Variants in FOXK1 observed in about 807,000 individuals in gnomAD.
The protein encoded by FOXK1 is forkhead box protein K1.
In FOXK1, 19 loss-of-function variants were observed where a neutral mutation model predicts 51.9. That is an observed-to-expected ratio of 0.37 (90% CI 0.26 to 0.54). The LOEUF (loss-of-function observed/expected upper bound fraction) is 0.54. Ranked by LOEUF, FOXK1 falls within the 20% of genes least tolerant of loss-of-function variation. The probability of loss-of-function intolerance (pLI) is 0.87; values close to 1 mark genes in which losing one functional copy is unlikely to be tolerated. For missense variants in FOXK1, 870 were observed against 1,032.7 expected (o/e 0.84, Z 2.16); for synonymous variants, 537 against 482.6 (o/e 1.11, Z -1.48).
chr7:4,705,312 C>G (rs887794499), intron 1 of FOXK1, among the ~76,000 whole-genome samples: 2 of 152,100 alleles, frequency 1.3e-5, no homozygotes, highest in African/African-American at 2.4e-5. Context: ...CTCAGCCTCC[C>G]CAGTAGCTGG....
Position 4,703,276 on chromosome 7 carries a change from C to T in FOXK1, c.560+20408C>T, listed in dbSNP as rs892813585. ...CAGACCTCCAGCCATTGGGCCTCTC[C>T]GCTCTGGGGTGAGGGGAGGGAGGGG... On this transcript the variant is annotated intron_variant, in intron 1 of 8. Coordinates refer to ENST00000328914, the MANE Select transcript of FOXK1 (RefSeq NM_001037165.2). The surrounding 1 kb of genome is among the most constrained non-coding windows in gnomAD (Gnocchi z 5.6). Among the ~76,000 whole-genome samples, 18 of 152,072 alleles carry T rather than the reference C, an allele frequency of 1.2e-4. No homozygotes were observed. Among genetic ancestry groups the T allele is most frequent in the African/African-American group, 3.4e-4 (14 of 41,402 alleles).
chr7:4,712,237 C>T (rs1780184493), intron 1 of FOXK1, among the ~76,000 whole-genome samples: 1 of 152,050 alleles, frequency 6.6e-6, no homozygotes, highest in Non-Finnish European at 1.5e-5. Flanking sequence ...GAGCATCTCC[C>T]GCCTCGGTGC....
In FOXK1 at chr7:4,755,791, C is replaced by T. The variant is rs76651517; in HGVS notation, c.1050+408C>T. On this transcript the variant is annotated intron_variant, in intron 4 of 8. Coordinates refer to ENST00000328914, the MANE Select transcript of FOXK1 (RefSeq NM_001037165.2). The surrounding 1 kb of genome is among the most constrained non-coding windows in gnomAD (Gnocchi z 6.6). ...TAAATATAAAAGAGGGATGTTTTCA[C>T]GAATGGCATATGGTACATCTGAAAG... Among the ~76,000 whole-genome samples the T allele has an allele frequency of 0.018, 2,792 of 152,232 alleles. 39 individuals carry two copies. Among genetic ancestry groups the T allele is most frequent in the Middle Eastern group, 0.048 (14 of 294 alleles).
intron 1 of FOXK1, among the ~76,000 whole-genome samples, chr7:4,688,482 C>G (rs538748103): frequency 1.3e-5 from 2 of 151,942 alleles, no homozygotes; most frequent in African/African-American, 2.4e-5. Context: ...CTCACTGCAA[C>G]CTCCCAGGTT....
Position 4,709,892 on chromosome 7 carries a change from A to C in FOXK1, c.560+27024A>C, listed in dbSNP as rs1003032469. Reference sequence around the variant, plus strand: ...AGGATCGAATGAGTTCACTTAGAACAACGCGTGACACGTTTGAACACGGAA... The same window carrying C: ...AGGATCGAATGAGTTCACTTAGAACCACGCGTGACACGTTTGAACACGGAA... On this transcript the variant is annotated intron_variant, in intron 1 of 8. Coordinates refer to ENST00000328914, the MANE Select transcript of FOXK1 (RefSeq NM_001037165.2). The surrounding 1 kb of genome is among the most constrained non-coding windows in gnomAD (Gnocchi z 5.6). Among the ~76,000 whole-genome samples, 2 of 152,222 alleles carry C rather than the reference A, an allele frequency of 1.3e-5. No homozygotes were observed. The highest frequency in any genetic ancestry group is 4.8e-5 in the African/African-American group (2 of 41,460).
chr7:4,746,077 C>T (rs925712437), intron 2 of FOXK1, among the ~76,000 whole-genome samples: 2 of 152,158 alleles, frequency 1.3e-5, no homozygotes, highest in African/African-American at 4.8e-5. Flanking sequence ...GAGGGCAAGA[C>T]TTCAAGAGCT....
intron 1 of FOXK1, among the ~76,000 whole-genome samples, chr7:4,684,406 T>C (rs1424606841): frequency 6.6e-6 from 1 of 152,216 alleles, no homozygotes; most frequent in Non-Finnish European, 1.5e-5. Flanking sequence ...GATATCGCAT[T>C]GAATAATTTA....
At position 4,734,908 on chromosome 7, in the gene FOXK1, C is replaced by G. The variant is rs1026568077; in HGVS notation, c.561-5930C>G. Among the ~76,000 whole-genome samples, 1 of 152,190 alleles carries G rather than the reference C, an allele frequency of 6.6e-6. No homozygotes were observed. The highest frequency in any genetic ancestry group is 1.5e-5 in the Non-Finnish European group (1 of 68,042). ...GTGGACAGGAGCGATCTGTCACATTCATTTTAAAAATCGCCTCCGGAAGCT... is the reference window on the plus strand; with the variant it reads ...GTGGACAGGAGCGATCTGTCACATTGATTTTAAAAATCGCCTCCGGAAGCT... On this transcript the variant is annotated intron_variant, in intron 1 of 8. Coordinates refer to ENST00000328914, the MANE Select transcript of FOXK1 (RefSeq NM_001037165.2). The surrounding 1 kb of genome is among the most constrained non-coding windows in gnomAD (Gnocchi z 5.2).
At chr7:4,710,792 T>A (rs1292170373) in intron 1 of FOXK1, among the ~76,000 whole-genome samples, 1 of 152,080 alleles carries the variant, frequency 6.6e-6, no homozygotes, top group African/African-American at 2.4e-5. Flanking sequence ...ACGATACTGT[T>A]CATAGAAGCT....
At chr7:4,757,255 C>A in intron 5 of FOXK1, 68 bp downstream of exon 5, 3 of 1,395,684 alleles carry the variant, frequency 2.1e-6, no homozygotes, top group Non-Finnish European at 2.9e-6. Flanking sequence ...TTTAGAGATA[C>A]GTGGCGCAGT....
chr7:4,697,267 A>G (rs564670077), intron 1 of FOXK1, among the ~76,000 whole-genome samples: 76 of 152,308 alleles, frequency 5.0e-4, no homozygotes, highest in African/African-American at 1.8e-3. Flanking sequence ...ACCAGAGCTC[A>G]GTCTCCGGCC....
intron 2 of FOXK1, among the ~76,000 whole-genome samples, chr7:4,751,888 C>T (rs1359765399): frequency 6.6e-6 from 1 of 152,240 alleles, no homozygotes; most frequent in African/African-American, 2.4e-5. Flanking sequence ...GCCAACCTTT[C>T]TTATTTCCAC....
At chr7:4,726,042 C>G (rs1033775325) in intron 1 of FOXK1, among the ~76,000 whole-genome samples, 2 of 151,578 alleles carry the variant, frequency 1.3e-5, no homozygotes, top group African/African-American at 2.4e-5. Context: ...CAGCGAAGAC[C>G]TTTTGCTCTC....
Position 4,763,914 on chromosome 7 carries a change from C to A in FOXK1, c.*1450C>A, listed in dbSNP as rs1480552744. On this transcript the variant is annotated 3_prime_UTR_variant, in exon 9 of 9. Coordinates refer to ENST00000328914, the MANE Select transcript of FOXK1 (RefSeq NM_001037165.2). ...TCCTGTCCGGGACCACAACGAGAAA[C>A]AGCGACAGATTCGACGCAGAGCTCC... The A allele has an allele frequency of 6.6e-6, 1 of 152,258 alleles. No homozygotes were observed. The highest frequency in any genetic ancestry group is 2.4e-5 in the African/African-American group (1 of 41,464). The allele number at this position is 152,258 out of a possible 1,614,324, so 9.4% of individuals were successfully genotyped here.
chr7:4,741,206 G>GA (rs1306030930), intron 2 of FOXK1, among the ~76,000 whole-genome samples, 183 bp downstream of exon 2: 1 of 152,168 alleles, frequency 6.6e-6, no homozygotes, highest in African/African-American at 2.4e-5. Context: ...CTTACAAAGG[G>GA]AAAAATCACT....
rs1043346268 is a variant in FOXK1 at position 4,758,956 on chromosome 7, G to GGCGGGTGAC, written c.1245-93_1245-85dup. The GGCGGGTGAC allele has an allele frequency of 4.5e-6, 6 of 1,339,524 alleles. No individual in the cohort carries two copies. In the Admixed American group the frequency reaches 1.4e-4, roughly 31 times the overall value. 83.0% of individuals were successfully genotyped at this position (1,339,524 alleles called of 1,614,324 possible). A position where few individuals can be genotyped will look rare whatever the true frequency, so the allele number is the denominator to read the frequency against. On this transcript the variant is annotated intron_variant, in intron 5 of 8. Transcript: ENST00000328914. The surrounding 1 kb of genome is among the most constrained non-coding windows in gnomAD (Gnocchi z 4.4). The stretch of plus-strand genomic sequence containing the variant: ...ACAGAGACGAGCTCCAGGGAGCGTG[G>GGCGGGTGAC]GCGGGTGACGGCGCTGAGATGCGTG...
chr7:4,712,442 AT>A (rs1780186762), intron 1 of FOXK1, among the ~76,000 whole-genome samples: 1 of 152,186 alleles, frequency 6.6e-6, no homozygotes, highest in Non-Finnish European at 1.5e-5. Flanking sequence ...CGTCATCATA[AT>A]TGAGAAGGGA....
In FOXK1 at chr7:4,761,749, T is replaced by G. The variant is rs1780935244; in HGVS notation, c.1922-435T>G. 6.6e-6 allele frequency among the ~76,000 whole-genome samples: 1 copy of G among 152,062 alleles called. No individual in the cohort carries two copies. Among genetic ancestry groups the G allele is most frequent in the African/African-American group, 2.4e-5 (1 of 41,394 alleles). ...ACAGGGTGGAAGGAAAACCCAGATCTGCCCACTCTCTGGAGCTCACACTCC... is the reference window on the plus strand; with the variant it reads ...ACAGGGTGGAAGGAAAACCCAGATCGGCCCACTCTCTGGAGCTCACACTCC... On this transcript the variant is annotated intron_variant, in intron 8 of 8. Coordinates refer to ENST00000328914, the MANE Select transcript of FOXK1 (RefSeq NM_001037165.2). This position sits in a 1 kb window ranked among gnomAD's most constrained non-coding sequence, Gnocchi z 6.2.
In FOXK1 at chr7:4,765,825, T is replaced by A. The variant is rs1781002636; in HGVS notation, c.*3361T>A. On this transcript the variant is annotated 3_prime_UTR_variant, in exon 9 of 9. Transcript: ENST00000328914. ...TAGGAGGTAAGTCCCAAAAAGAACG[T>A]CTTAAGTAGAGCAAAGGCATCCACC... 1.3e-5 allele frequency: 2 copies of A among 152,126 alleles called. No individual in the cohort carries two copies. The highest frequency in any genetic ancestry group is 2.9e-5 in the Non-Finnish European group (2 of 68,022). 9.4% of individuals were successfully genotyped at this position (152,126 alleles called of 1,614,324 possible).
Sources: gnomAD v4.1 joint callset for allele counts (sites outside exome capture counted in the v4.1 genomes callset) on GRCh38, gnomAD v4.1.1 for gene constraint, Gnocchi (gnomAD v3.1) non-coding constraint, MANE v1.5 for transcripts, NCBI Gene and HGNC (gene_info 2026-07-23, HGNC 2026-07-21) for gene names.